Variants in ADGRD1 observed in about 807,000 individuals in gnomAD.
ADGRD1 encodes the protein G-protein coupled receptor 133.
Under a neutral mutation model 113.4 loss-of-function variants are expected in ADGRD1, and 77 were observed. That is an observed-to-expected ratio of 0.68 (90% confidence interval 0.57 to 0.82). The LOEUF (loss-of-function observed/expected upper bound fraction) is 0.82. ADGRD1 is among the 40% of genes least tolerant of loss of function. The pLI is 0.00. For missense variants in ADGRD1, 1,036 were observed against 1,139.1 expected (o/e 0.91, Z 1.30); for synonymous variants, 474 against 475.0 (o/e 1.00, Z 0.03).
In ADGRD1 at chr12:131,139,307, C is replaced by CT. The variant is rs1951189492; in HGVS notation, c.*44_*45insT. On this transcript the variant is annotated 3_prime_UTR_variant, in exon 25 of 25. Coordinates refer to ENST00000261654, the MANE Select transcript of ADGRD1 (RefSeq NM_198827.5). ...AGGCCAGGCTGCGCTCAGAACACAC[C>CT]CCCCCAAACAGAATGAAATGCCCCA... The CT allele has an allele frequency of 7.6e-7, 1 of 1,313,054 alleles. No homozygotes were observed. The highest frequency in any genetic ancestry group is 1.2e-5 in the South Asian group (1 of 81,808). The allele number at this position is 1,313,054 out of a possible 1,614,324, so 81.3% of individuals were successfully genotyped here.
chr12:131,052,376 C>T (rs112119409), intron 13 of ADGRD1, among the ~76,000 whole-genome samples: 4 of 152,348 alleles, frequency 2.6e-5, no homozygotes, highest in Middle Eastern at 3.4e-3. Context: ...CATCACTTCT[C>T]GTCTTCTCAC....
intron 13 of ADGRD1, among the ~76,000 whole-genome samples, chr12:131,040,516 A>G (rs1566056494): frequency 1.3e-5 from 2 of 152,370 alleles, no homozygotes; most frequent in South Asian, 4.1e-4. Flanking sequence ...CACGCTTCTC[A>G]TACTTGCAGG....
At chr12:131,036,747 C>T (rs1246751048) in intron 13 of ADGRD1, among the ~76,000 whole-genome samples, 2 of 136,928 alleles carry the variant, frequency 1.5e-5, no homozygotes, top group African/African-American at 5.1e-5. Context: ...TGGGGCCTCA[C>T]TCACTGCACC....
intron 13 of ADGRD1, among the ~76,000 whole-genome samples, chr12:131,035,934 T>C (rs1350621609): frequency 2.6e-5 from 4 of 152,218 alleles, no homozygotes; most frequent in Non-Finnish European, 4.4e-5. Flanking sequence ...TGCTTGGAGA[T>C]TGATTCACAC....
intron 22 of ADGRD1, among the ~76,000 whole-genome samples, chr12:131,136,379 C>T (rs1951086688): frequency 6.6e-6 from 1 of 152,238 alleles, no homozygotes; most frequent in African/African-American, 2.4e-5. Flanking sequence ...TGCTTCTGGC[C>T]AGCATCTGTA....
At chr12:131,065,690 G>A (rs1884670029) in intron 13 of ADGRD1, among the ~76,000 whole-genome samples, 2 of 152,200 alleles carry the variant, frequency 1.3e-5, no homozygotes, top group Admixed American at 1.3e-4. Flanking sequence ...CCTGCCAGAG[G>A]CCAGGTGTGT....
chr12:130,965,778 A>G lies in ADGRD1; in HGVS notation c.104-685A>G, dbSNP rs1870938255. Among the ~76,000 whole-genome samples, 1 of 152,274 alleles carries G rather than the reference A, an allele frequency of 6.6e-6. No individual in the cohort carries two copies. Among genetic ancestry groups the G allele is most frequent in the African/African-American group, 2.4e-5 (1 of 41,470 alleles). ...GCATAAAGTTATGTTTACTCAAAGT[A>G]TAAGGATCACGAAGGAAATTTCAAA... On this transcript the variant is annotated intron_variant, in intron 2 of 24. Coordinates refer to ENST00000261654, the MANE Select transcript of ADGRD1 (RefSeq NM_198827.5). This position sits in a 1 kb window ranked among gnomAD's most constrained non-coding sequence, Gnocchi z 4.8.
chr12:131,067,662 CTA>C (rs1884830631), intron 13 of ADGRD1, among the ~76,000 whole-genome samples: 1 of 131,234 alleles, frequency 7.6e-6, no homozygotes, highest in Non-Finnish European at 1.7e-5. Context: ...CCTCTGCCTC[CTA>C]TATGTCTGAT....
chr12:130,991,266 GGA>G, intron 7 of ADGRD1, 188 bp downstream of exon 7: 1 of 491,514 alleles, frequency 2.0e-6, no homozygotes, highest in Non-Finnish European at 3.6e-6. Context: ...GTGACTGAAG[GGA>G]AAACTCTCAA....
At chr12:131,120,267 C>T (rs1368225476) in intron 19 of ADGRD1, among the ~76,000 whole-genome samples, 1 of 152,178 alleles carries the variant, frequency 6.6e-6, no homozygotes, top group East Asian at 1.9e-4. Flanking sequence ...GTGCCGTAGG[C>T]TCTGGAGATA....
rs765599673 is a variant in ADGRD1, at chr12:131,108,751, C to T, written c.1915C>T (p.Leu639=). 46 of 1,614,068 alleles carry T rather than the reference C, an allele frequency of 2.8e-5. No homozygotes were observed. The highest frequency in any genetic ancestry group is 3.8e-5 in the Non-Finnish European group (45 of 1,180,026). The change falls in exon 18 of 25, where the codon CTA becomes TTA. Residue 639 remains leucine (L), a synonymous_variant. Coordinates refer to ENST00000261654, the MANE Select transcript of ADGRD1 (RefSeq NM_198827.5). ...CCCCTGCCAAGTGATGGCCGTGCTC[C>T]TACACTACTTCTTCCTGAGTGCCTT... ...TTPCQVMAVL[L]HYFFLSAFAW...
At chr12:130,974,247 A>G (rs1314429939) in intron 4 of ADGRD1, among the ~76,000 whole-genome samples, 1 of 152,230 alleles carries the variant, frequency 6.6e-6, no homozygotes, top group African/African-American at 2.4e-5. Context: ...TTTCCAAATT[A>G]AAGTCCCTGT....
intron 21 of ADGRD1, among the ~76,000 whole-genome samples, chr12:131,135,089 A>G (rs1294819294): frequency 2.0e-5 from 3 of 152,222 alleles, no homozygotes; most frequent in African/African-American, 7.2e-5. Context: ...AGAAGTCAGG[A>G]TGGACTGGGC....
intron 13 of ADGRD1, among the ~76,000 whole-genome samples, chr12:131,030,946 G>A (rs1483184428): frequency 6.6e-6 from 1 of 152,206 alleles, no homozygotes; most frequent in East Asian, 1.9e-4. Context: ...CTGTCACAAT[G>A]TGCAGTGTGT....
At chr12:130,963,049 G>C (rs1217192992) in intron 2 of ADGRD1, 1 of 152,108 alleles carries the variant, frequency 6.6e-6, no homozygotes, top group African/African-American at 2.4e-5. Context: ...GGCCTGGCGC[G>C]GTGGCTCACG....
chr12:131,124,289 C>G (rs1157208788), intron 20 of ADGRD1, among the ~76,000 whole-genome samples: 1 of 152,166 alleles, frequency 6.6e-6, no homozygotes, highest in Non-Finnish European at 1.5e-5. Flanking sequence ...AAGTTAAAAG[C>G]TCTATATGGG....
At chr12:131,079,278 G>C (rs79434812) in intron 14 of ADGRD1, among the ~76,000 whole-genome samples, 3,392 of 152,224 alleles carry the variant, frequency 0.022, 62 homozygotes, top group Non-Finnish European at 0.034. Context: ...GGAACATTTG[G>C]GTAGTTTTCA....
Position 130,984,568 on chromosome 12 carries a change from C to T in ADGRD1, c.490+2505C>T, listed in dbSNP as rs986660450. 6.6e-6 allele frequency among the ~76,000 whole-genome samples: 1 copy of T among 152,104 alleles called. No homozygotes were observed. Among genetic ancestry groups the T allele is most frequent in the African/African-American group, 2.4e-5 (1 of 41,408 alleles). On this transcript the variant is annotated intron_variant, in intron 5 of 24. Coordinates refer to ENST00000261654, the MANE Select transcript of ADGRD1 (RefSeq NM_198827.5). This position sits in a 1 kb window ranked among gnomAD's most constrained non-coding sequence, Gnocchi z 4.1. Reference sequence around the variant, plus strand: ...CCGCCTCTACACAGGCACAGCTTCCCCCACTATGGACATTCCCCCACCAGA... The same window carrying T: ...CCGCCTCTACACAGGCACAGCTTCCTCCACTATGGACATTCCCCCACCAGA...
intron 21 of ADGRD1, 147 bp downstream of exon 21, chr12:131,131,963 G>T: frequency 1.5e-6 from 1 of 646,194 alleles, no homozygotes; most frequent in Non-Finnish European, 2.8e-6. Context: ...TCTCAGGGCA[G>T]CTCTGGTTTC....
Sources: gnomAD v4.1 joint callset for allele counts (sites outside exome capture counted in the v4.1 genomes callset) on GRCh38, gnomAD v4.1.1 for gene constraint, Gnocchi (gnomAD v3.1) non-coding constraint, MANE v1.5 for transcripts, NCBI Gene and HGNC (gene_info 2026-07-23, HGNC 2026-07-21) for gene names.